MEGF6: variants seen among roughly 807,000 people sequenced by gnomAD.
MEGF6 encodes the protein multiple EGF like domains 6.
A neutral mutation model predicts 207.1 loss-of-function variants in MEGF6; 184 were observed. The observed-to-expected ratio is 0.89, with a 90% CI of 0.79 to 1.00. The LOEUF (loss-of-function observed/expected upper bound fraction) is 1.00. Among genes scored for constraint, MEGF6 ranks in the 50% least tolerant of loss-of-function variants. The probability of loss-of-function intolerance (pLI) is 0.00; values close to 1 mark genes in which losing one functional copy is unlikely to be tolerated. For missense variants in MEGF6, 2,282 were observed against 2,202.9 expected (o/e 1.04, Z -0.72); for synonymous variants, 1,038 against 910.0 (o/e 1.14, Z -2.53).
intron 4 of MEGF6, among the ~76,000 whole-genome samples, chr1:3,564,030 G>A (rs2101656673): frequency 6.6e-6 from 1 of 152,338 alleles, no homozygotes; most frequent in South Asian, 2.1e-4. Context: ...GCCGAGAAAG[G>A]AATGAGGCCA....
At position 3,494,517 on chromosome 1, in the gene MEGF6, TG is replaced by T. The variant is rs2100843405; in HGVS notation, c.4001-19del. ...GGGACAGGCTGGGGACAGGGCAGGG[TG>T]GGCAGTCCTTCGGCACCAGCCTTGC... On this transcript the variant is annotated intron_variant, in intron 31 of 36. Transcript: ENST00000356575. The T allele has an allele frequency of 6.3e-7, 1 of 1,581,402 alleles. No individual in the cohort carries two copies. The highest frequency in any genetic ancestry group is 8.6e-7 in the Non-Finnish European group (1 of 1,167,870).
chr1:3,543,609 G>A (rs1265425520), intron 4 of MEGF6, among the ~76,000 whole-genome samples: 5 of 152,238 alleles, frequency 3.3e-5, no homozygotes, highest in Admixed American at 2.6e-4. Context: ...GGGCAGGAGA[G>A]GAAGCGTCGG....
chr1:3,501,713 T>TGGGGCCCCCACAGTTC, intron 18 of MEGF6, 83 bp downstream of exon 18: 1 of 1,521,806 alleles, frequency 6.6e-7, no homozygotes, highest in South Asian at 1.3e-5. Context: ...TCCGCAGGGC[T>TGGGGCCCCCACAGTTC]GGGGCCCCCA....
At chr1:3,569,465 T>A (rs1643437845) in intron 4 of MEGF6, among the ~76,000 whole-genome samples, 1 of 152,208 alleles carries the variant, frequency 6.6e-6, no homozygotes, top group South Asian at 2.1e-4. Context: ...TCAGCCCCAG[T>A]GCTGCCCTGA....
chr1:3,522,225 C>T (rs181300361), intron 5 of MEGF6, among the ~76,000 whole-genome samples: 3 of 152,308 alleles, frequency 2.0e-5, no homozygotes, highest in East Asian at 1.9e-4. Flanking sequence ...AGTAGGTGAA[C>T]GCACTTAGGT....
At chr1:3,491,013 C>A in intron 35 of MEGF6, 54 bp from the exon 36 acceptor site, 1 of 1,510,216 alleles carries the variant, frequency 6.6e-7, no homozygotes, top group South Asian at 1.3e-5. Flanking sequence ...GAGTGAGCCA[C>A]AGTAATGGCA....
intron 35 of MEGF6, among the ~76,000 whole-genome samples, chr1:3,491,220 A>C (rs1169180247): frequency 1.3e-5 from 2 of 152,048 alleles, no homozygotes; most frequent in Non-Finnish European, 2.9e-5. Context: ...CCGAACGCCA[A>C]GCCAAGTCCA....
At chr1:3,566,274 C>T (rs571705309) in intron 4 of MEGF6, among the ~76,000 whole-genome samples, 4 of 152,202 alleles carry the variant, frequency 2.6e-5, no homozygotes, top group African/African-American at 9.7e-5. Flanking sequence ...TCCAGAAGCA[C>T]GCAGCCCCTC....
At chr1:3,597,403 G>A (rs150819435) in intron 2 of MEGF6, among the ~76,000 whole-genome samples, 7 of 152,170 alleles carry the variant, frequency 4.6e-5, no homozygotes, top group African/African-American at 7.2e-5. Context: ...CAAGACAGAC[G>A]GCCACCTGTG....
chr1:3,595,522 G>A, intron 2 of MEGF6, 75 bp from the exon 3 acceptor site: 4 of 1,285,102 alleles, frequency 3.1e-6, no homozygotes, highest in South Asian at 1.2e-5. Context: ...CACCCCTGGG[G>A]AGACTGACTC....
intron 5 of MEGF6, among the ~76,000 whole-genome samples, chr1:3,522,060 T>G (rs1239870587): frequency 6.6e-6 from 1 of 152,020 alleles, no homozygotes; most frequent in Non-Finnish European, 1.5e-5. Context: ...TCCCAGGGGG[T>G]GAAACCCCCA....
At chr1:3,524,313 C>T (rs1274798693) in intron 4 of MEGF6, 67 bp from the exon 5 acceptor site, 17 of 1,572,488 alleles carry the variant, frequency 1.1e-5, no homozygotes, top group Non-Finnish European at 1.5e-5. Context: ...AACACAGCCC[C>T]CCAGGTGCCG....
intron 3 of MEGF6, 111 bp downstream of exon 3, chr1:3,595,227 C>T (rs905487683): frequency 1.3e-5 from 9 of 707,814 alleles, no homozygotes; most frequent in South Asian, 5.4e-5. Context: ...CTGAGTCTCT[C>T]GTGTTGCTGG....
At chr1:3,491,781 G>T (rs1444257971) in intron 35 of MEGF6, among the ~76,000 whole-genome samples, 7 of 151,164 alleles carry the variant, frequency 4.6e-5, no homozygotes, top group Non-Finnish European at 1.0e-4. Context: ...GGGGTGGGGG[G>T]GGGGGTGCGG....
Position 3,524,407 on chromosome 1 carries a change from G to A in MEGF6, c.482-161C>T, listed in dbSNP as rs935399742. On this transcript the variant is annotated intron_variant, in intron 4 of 36. Transcript: ENST00000356575. ...CACATCTGCCGGAGACGCAGCAGAA[G>A]AGACAGGGTCTGTGCTTCCACCTTG... Among the ~76,000 whole-genome samples the A allele has an allele frequency of 5.9e-5, 9 of 152,310 alleles. No homozygotes were observed. The East Asian group carries it at 1.7e-3, about 29-fold the overall frequency.
chr1:3,577,877 C>T lies in MEGF6; in HGVS notation c.481+1948G>A, dbSNP rs139824312. ...CCAAAGATGCAGAGCCCTCGCCCCA[C>T]GCTGGACACTGAGCCTCCACGAGAC... is the stretch of plus-strand genomic sequence containing the variant. On this transcript the variant is annotated intron_variant, in intron 4 of 36. Transcript: ENST00000356575. 8.7e-3 allele frequency among the ~76,000 whole-genome samples: 1,328 copies of T among 152,336 alleles called. 14 individuals carry two copies. Among genetic ancestry groups the T allele is most frequent in the African/African-American group, 0.03 (1,236 of 41,572 alleles).
intron 2 of MEGF6, among the ~76,000 whole-genome samples, chr1:3,597,138 A>G (rs914175844): frequency 6.6e-6 from 1 of 152,190 alleles, no homozygotes; most frequent in Non-Finnish European, 1.5e-5. Flanking sequence ...GCCACCAGGG[A>G]GCTGGTTCAC....
chr1:3,497,665 AG>A (rs1640668966), intron 26 of MEGF6: 1 of 561,660 alleles, frequency 1.8e-6, no homozygotes, highest in Non-Finnish European at 3.3e-6. Flanking sequence ...AGCCTCTGGC[AG>A]CCCCGCCCCA....
In MEGF6 at chr1:3,509,882, T is replaced by C; in HGVS notation, c.1345A>G (p.Arg449Gly). Residue 449 changes from arginine (R) to glycine (G), a missense_variant, in exon 11 of 37, where the codon AGG (arginine) becomes GGG (glycine). Transcript: ENST00000356575. ...GCGGGAGACTCACGGCTGCAGCCCC[T>C]ACGGTCCTCGTGCAGCCGGTAGCCG... ...EAGYRLHEDR[R>G]GCSPLEEPMV... is the part of the protein sequence containing the mutation. 6.4e-7 allele frequency: 1 copy of C among 1,559,668 alleles called. No individual in the cohort carries two copies. The highest frequency in any genetic ancestry group is 8.7e-7 in the Non-Finnish European group (1 of 1,154,578).
Sources: allele counts gnomAD v4.1 joint callset (sites outside exome capture counted in the v4.1 genomes callset), GRCh38; gene constraint gnomAD v4.1.1; transcripts MANE v1.5; gene names NCBI Gene and HGNC (gene_info 2026-07-23, HGNC 2026-07-21).